Variants in FRMD7 observed in about 807,000 individuals in gnomAD.
FRMD7 encodes the protein FERM domain-containing protein 7.
A neutral mutation model predicts 44.1 loss-of-function variants in FRMD7; 14 were observed. That is an observed-to-expected ratio of 0.32 (90% CI 0.21 to 0.50). FRMD7 has a LOEUF of 0.50. Ranked by LOEUF, FRMD7 falls within the 20% of genes least tolerant of loss-of-function variation. FRMD7 has a pLI of 0.99. For synonymous variants in FRMD7, 212 were observed against 187.4 expected, an observed-to-expected ratio of 1.13 and a Z score of -1.07; for missense variants, 501 against 522.3, an observed-to-expected ratio of 0.96 and a Z score of 0.40.
chrX:132,080,130 C>T (rs1292304888), intron 10 of FRMD7, 49 bp from the exon 11 acceptor site: 3 of 1,107,560 alleles, frequency 2.7e-6, no homozygotes, highest in East Asian at 3.0e-5. Flanking sequence ...CATGTGAATA[C>T]CAGGATACAT....
intron 1 of FRMD7, among the ~76,000 whole-genome samples, chrX:132,117,519 A>G (rs921937341): frequency 8.9e-6 from 1 of 111,820 alleles, no homozygotes; most frequent in Non-Finnish European, 1.9e-5. Context: ...AGATTCTTTT[A>G]TTGTTTTCTC....
At chrX:132,121,689 T>C (rs924785314) in intron 1 of FRMD7, among the ~76,000 whole-genome samples, 2 of 111,141 alleles carry the variant, frequency 1.8e-5, no homozygotes, top group Non-Finnish European at 3.8e-5. Context: ...AGGTAGTGCA[T>C]GGGAAATACA....
chrX:132,081,599 A>G lies in FRMD7; in HGVS notation c.905+764T>C, dbSNP rs747703534. On this transcript the variant is annotated intron_variant, in intron 9 of 11. Transcript: ENST00000298542. ...GAATACAGACTGGAAAGATTCAATC[A>G]GAAATATGTAAGTTTTAACAGATCT... Among the ~76,000 whole-genome samples the G allele has an allele frequency of 8.9e-5, 10 of 112,509 alleles. No individual in the cohort carries two copies. The East Asian group carries it at 2.8e-3, about 32-fold the overall frequency.
chrX:132,118,234 G>A (rs148897357), intron 1 of FRMD7, among the ~76,000 whole-genome samples: 64 of 110,795 alleles, frequency 5.8e-4, no homozygotes, highest in Non-Finnish European at 1.1e-3. Context: ...ATGACCTTGA[G>A]CTCATATTTA....
chrX:132,097,213 GAAT>G, intron 4 of FRMD7, 50 bp downstream of exon 4: 3 of 884,663 alleles, frequency 3.4e-6, no homozygotes, highest in Non-Finnish European at 5.0e-6. Context: ...AATAAATGGA[GAAT>G]AATGATTCTT....
intron 1 of FRMD7, among the ~76,000 whole-genome samples, chrX:132,102,204 A>G (rs1341284437): frequency 9.0e-6 from 1 of 110,831 alleles, no homozygotes; most frequent in Non-Finnish European, 1.9e-5. Context: ...CCACCGTCCA[A>G]AAATACACCC....
At chrX:132,094,200 C>T in intron 4 of FRMD7, 61 bp from the exon 5 acceptor site, 3 of 713,597 alleles carry the variant, frequency 4.2e-6, no homozygotes, top group Non-Finnish European at 6.7e-6. Flanking sequence ...GAAGCATTTT[C>T]CTTCTCCCAG....
chrX:132,111,513 C>A (rs1015984550), intron 1 of FRMD7, among the ~76,000 whole-genome samples: 1 of 112,021 alleles, frequency 8.9e-6, no homozygotes. Context: ...TTGTAACTTA[C>A]CCCAATCACC....
chrX:132,112,000 T>C (rs922600850), intron 1 of FRMD7, among the ~76,000 whole-genome samples: 1 of 112,439 alleles, frequency 8.9e-6, no homozygotes, highest in African/African-American at 3.2e-5. Flanking sequence ...GGAGGGATTC[T>C]TTTTAAAGAC....
chrX:132,113,131 C>T (rs1928819072), intron 1 of FRMD7, among the ~76,000 whole-genome samples: 1 of 111,635 alleles, frequency 9.0e-6, no homozygotes, highest in Non-Finnish European at 1.9e-5. Context: ...TAATAGCATT[C>T]TTAAGACAGT....
intron 5 of FRMD7, among the ~76,000 whole-genome samples, chrX:132,092,805 C>T (rs1928217810): frequency 8.9e-6 from 1 of 111,746 alleles, no homozygotes; most frequent in African/African-American, 3.3e-5. Flanking sequence ...GCTCCCACCC[C>T]AGTGCCAAAG....
In FRMD7 at chrX:132,084,525, T is replaced by G; in HGVS notation, c.706A>C (p.Lys236Gln). ...AKIRKLSFKR[K>Q]HFLIKLHANI... ...GCATGAAGTTTGATGAGAAAATGCT[T>G]TCTCTTAAAACTCAACTTGCGGATT... The change falls in exon 8 of 12, where the codon AAG (lysine) becomes CAG (glutamine). Residue 236 changes from lysine (K) to glutamine (Q), a missense_variant. Around this residue, in one of 3 missense-constraint regions of FRMD7, gnomAD observed 453 missense variants for 452.7 expected, o/e 1.00. Transcript: ENST00000298542. 1 of 1,185,583 alleles carries G rather than the reference T, an allele frequency of 8.4e-7. No homozygotes were observed. Among genetic ancestry groups the G allele is most frequent in the Non-Finnish European group, 1.1e-6 (1 of 871,422 alleles).
chrX:132,116,407 C>G (rs1326750206), intron 1 of FRMD7, among the ~76,000 whole-genome samples: 2 of 111,778 alleles, frequency 1.8e-5, no homozygotes, highest in Middle Eastern at 4.6e-3. Context: ...TTCTCTGAAC[C>G]GTTTCCATTT....
chrX:132,107,166 T>A (rs906379525), intron 1 of FRMD7, among the ~76,000 whole-genome samples: 1 of 112,083 alleles, frequency 8.9e-6, no homozygotes, highest in African/African-American at 3.2e-5. Flanking sequence ...AGTAGCATAA[T>A]GGGTTATTTT....
intron 1 of FRMD7, among the ~76,000 whole-genome samples, chrX:132,127,355 C>T (rs961592398): frequency 1.8e-5 from 2 of 111,590 alleles, no homozygotes; most frequent in African/African-American, 6.5e-5. Context: ...ATAATTCTAC[C>T]CCTTATAACC....
chrX:132,094,034 C>T lies in FRMD7; in HGVS notation c.382+8G>A. The T allele has an allele frequency of 2.8e-6, 3 of 1,083,428 alleles. No homozygotes were observed. The highest frequency in any genetic ancestry group is 3.9e-6 in the Non-Finnish European group (3 of 779,047). 89.3% of individuals were successfully genotyped at this position (1,083,428 alleles called of 1,213,427 possible). A position where few individuals can be genotyped will look rare whatever the true frequency, so the allele number is the denominator to read the frequency against. Reference sequence around the variant, plus strand: ...AGGTCCCAAAGCAGACAGACATTTGCTACTTACATTGTAAGATGTGAGATA... The same window carrying T: ...AGGTCCCAAAGCAGACAGACATTTGTTACTTACATTGTAAGATGTGAGATA... On this transcript the variant is annotated splice_region_variant and intron_variant, in intron 5 of 11. Coordinates refer to ENST00000298542, the MANE Select transcript of FRMD7 (RefSeq NM_194277.3).
At chrX:132,087,357 T>C (rs1012680932) in intron 5 of FRMD7, among the ~76,000 whole-genome samples, 7 of 111,702 alleles carry the variant, frequency 6.3e-5, no homozygotes, top group Non-Finnish European at 1.3e-4. Flanking sequence ...ATAAGATACA[T>C]GGACAATAGG....
rs1487863043 is a variant in FRMD7 at position 132,097,280 on chromosome X, C to A, written c.270G>T (p.Arg90=). 8.4e-7 allele frequency: 1 copy of A among 1,184,525 alleles called. No homozygotes were observed. The highest frequency in any genetic ancestry group is 1.7e-5 in the African/African-American group (1 of 57,158). The change falls in exon 4 of 12, where the codon CGG becomes CGT. Residue 90 remains arginine (R), a synonymous_variant. Transcript: ENST00000298542. The part of the protein sequence containing the change: ...KFFPVDPGHL[R]EELTRYLFTL... The stretch of plus-strand genomic sequence containing the variant: ...AATCACTATACCTTGTAAGTTCTTC[C>A]CGCAGATGTCCAGGGTCCACTGGGA...
chrX:132,083,428 C>T (rs998913046), intron 8 of FRMD7, among the ~76,000 whole-genome samples: 5 of 111,181 alleles, frequency 4.5e-5, no homozygotes, highest in African/African-American at 1.3e-4. Flanking sequence ...TGTTTGCAGC[C>T]CTGTTTTCAG....
Sources: gnomAD v4.1 joint callset for allele counts (sites outside exome capture counted in the v4.1 genomes callset) on GRCh38, gnomAD v4.1.1 for gene constraint, gnomAD v4.1.1 regional missense constraint, MANE v1.5 for transcripts, NCBI Gene and HGNC (gene_info 2026-07-23, HGNC 2026-07-21) for gene names.